DDB1: variants seen among roughly 807,000 people sequenced by gnomAD.
DDB1 encodes damage specific DNA binding protein 1.
A neutral mutation model predicts 133.1 loss-of-function variants in DDB1; 18 were observed. That is an observed-to-expected ratio of 0.14 (90% CI 0.09 to 0.20). The LOEUF (loss-of-function observed/expected upper bound fraction) is 0.20. Ranked by LOEUF, DDB1 falls within the 10% of genes least tolerant of loss-of-function variation. The probability of loss-of-function intolerance (pLI) is 1.00; values close to 1 mark genes in which losing one functional copy is unlikely to be tolerated. For synonymous variants in DDB1, 580 were observed against 550.5 expected, an observed-to-expected ratio of 1.05 and a Z score of -0.75; for missense variants, 828 against 1,459.2, an observed-to-expected ratio of 0.57 and a Z score of 7.05.
chr11:61,319,721 C>T lies in DDB1; in HGVS notation c.1225+1874G>A, dbSNP rs28720295. Among the ~76,000 whole-genome samples the T allele has an allele frequency of 3.7e-3, 557 of 152,274 alleles. 5 individuals are homozygous for T. The highest frequency in any genetic ancestry group is 0.013 in the African/African-American group (540 of 41,558). On this transcript the variant is annotated intron_variant, in intron 10 of 26. Transcript: ENST00000301764. ...CTGGGATTACAGGCATGAGGCATTG[C>T]GCCCGGCCTCTCATTGCTCTTTTTA...
At position 61,316,340 on chromosome 11, in the gene DDB1, A is replaced by G. The variant is rs779907300; in HGVS notation, c.1355T>C (p.Val452Ala). Residue 452 changes from valine (V) to alanine (A), a missense_variant, in exon 12 of 27, where the codon GTG (valine) becomes GCG (alanine). Physicochemically the swap from Val to Ala is moderately conservative, Grantham distance 64. Transcript: ENST00000301764. ...ACAGAAGAAAGTCTGCTGATCATCC[A>G]CGAAACCCATCAGTTCGGTTTCTTC... ...EVEETELMGF[V>A]DDQQTFFCGN... 6.2e-7 allele frequency: 1 copy of G among 1,614,046 alleles called. No individual in the cohort carries two copies. Among genetic ancestry groups the G allele is most frequent in the African/African-American group, 1.3e-5 (1 of 74,912 alleles).
rs28720335 is a variant in DDB1 at position 61,308,518 on chromosome 11, C to G, written c.2661+465G>C. ...GTCCATTTTGTTTGCTGCTATCTCC[C>G]TACTCCAAAACATCAAGTTGTCCAT... On this transcript the variant is annotated intron_variant, in intron 21 of 26. Coordinates refer to ENST00000301764, the MANE Select transcript of DDB1 (RefSeq NM_001923.5). Among the ~76,000 whole-genome samples the G allele has an allele frequency of 5.8e-3, 878 of 152,304 alleles. 11 individuals carry two copies. The highest frequency in any genetic ancestry group is 0.019 in the African/African-American group (796 of 41,558).
At position 61,309,025 on chromosome 11, in the gene DDB1, CAT is replaced by C. The variant is rs1454249193; in HGVS notation, c.2617_2618del (p.Met873GlyfsTer4). 1 of 1,614,052 alleles carries C rather than the reference CAT, an allele frequency of 6.2e-7. No homozygotes were observed. Among genetic ancestry groups the C allele is most frequent in the African/African-American group, 1.3e-5 (1 of 74,896 alleles). ...CTAACAGCTTCCCGTTAAATTCCAC[CAT>C]AGAGTACACGGCCCCTTTCACTTCC... ...EKEVKGAVYS[M>X]VEFNGKLLAS... On this transcript the variant is annotated frameshift_variant, in exon 21 of 27. Coordinates refer to ENST00000301764, the MANE Select transcript of DDB1 (RefSeq NM_001923.5). LOFTEE classifies it high-confidence loss of function.
At chr11:61,318,773 T>C (rs372997160) in intron 10 of DDB1, among the ~76,000 whole-genome samples, 7 of 152,376 alleles carry the variant, frequency 4.6e-5, no homozygotes, top group African/African-American at 1.7e-4. Context: ...GTCATAGTTA[T>C]GGCTTCATTT....
chr11:61,322,893 T>C, intron 8 of DDB1, 118 bp downstream of exon 8: 2 of 796,842 alleles, frequency 2.5e-6, no homozygotes, highest in Non-Finnish European at 4.0e-6. Flanking sequence ...AGTAGAAAGC[T>C]GGATAGTAGG....
At chr11:61,318,979 G>A (rs1343378273) in intron 10 of DDB1, among the ~76,000 whole-genome samples, 2 of 152,168 alleles carry the variant, frequency 1.3e-5, no homozygotes, top group African/African-American at 4.8e-5. Flanking sequence ...CGGGAGGACC[G>A]CTTGAGCCTA....
rs1350260124 is a variant in DDB1, at chr11:61,330,817, G to A, written c.210+726C>T. 4.6e-5 allele frequency among the ~76,000 whole-genome samples: 7 copies of A among 151,988 alleles called. No individual in the cohort carries two copies. The South Asian group carries it at 6.2e-4, about 13-fold the overall frequency. On this transcript the variant is annotated intron_variant, in intron 2 of 26. Coordinates refer to ENST00000301764, the MANE Select transcript of DDB1 (RefSeq NM_001923.5). ...ATTACAGGCACGTGCCACCACACCC[G>A]GCTAACTTTTGTATTTTTAGTAGAG... is the stretch of plus-strand genomic sequence containing the variant.
chr11:61,303,716 A>C (rs995067983), intron 22 of DDB1, 149 bp downstream of exon 22: 3 of 933,576 alleles, frequency 3.2e-6, no homozygotes, highest in Non-Finnish European at 4.6e-6. Context: ...AAAAAAAAAA[A>C]AAAAAAAACT....
chr11:61,310,073 G>A, intron 19 of DDB1, 113 bp from the exon 20 acceptor site: 4 of 1,448,580 alleles, frequency 2.8e-6, no homozygotes, highest in Non-Finnish European at 2.9e-6. Context: ...TGTACCACCT[G>A]CTGTCCCTGT....
chr11:61,320,194 C>CTTTTCTTT (rs552610659), intron 10 of DDB1, among the ~76,000 whole-genome samples: 2 of 151,018 alleles, frequency 1.3e-5, no homozygotes, highest in African/African-American at 4.9e-5. Flanking sequence ...ATATACTTCT[C>CTTTTCTTT]TTTTCTTTTT....
intron 10 of DDB1, among the ~76,000 whole-genome samples, chr11:61,318,606 G>T (rs933250114): frequency 6.6e-6 from 1 of 151,998 alleles, no homozygotes; most frequent in African/African-American, 2.4e-5. Flanking sequence ...AGGAAGACTG[G>T]GCCTTTTGTC....
At position 61,331,680 on chromosome 11, in the gene DDB1, A is replaced by C. The variant is rs1025351235; in HGVS notation, c.73T>G (p.Ser25Ala). The C allele has an allele frequency of 6.2e-7, 1 of 1,614,060 alleles. No homozygotes were observed. The highest frequency in any genetic ancestry group is 1.3e-5 in the African/African-American group (1 of 74,906). ...VNGCVTGHFT[S>A]AEDLNLLIAK... Reference sequence around the variant, plus strand: ...ATCAACAGGTTTAAGTCTTCGGCCGAAGTAAAGTGTCCTGAAAGAACAGAC... The same window carrying C: ...ATCAACAGGTTTAAGTCTTCGGCCGCAGTAAAGTGTCCTGAAAGAACAGAC... Residue 25 changes from serine (S) to alanine (A), a missense_variant, in exon 2 of 27, where the codon TCG becomes GCG. Physicochemically the swap from Ser to Ala is moderately conservative, Grantham distance 99 (BLOSUM62 1). This residue lies in a region of DDB1 where 210 missense variants were observed against 344.8 expected (regional missense o/e 0.61). Transcript: ENST00000301764.
At chr11:61,302,780 G>A (rs749445267) in intron 23 of DDB1, 29 bp from the exon 24 acceptor site, 1 of 1,613,396 alleles carries the variant, frequency 6.2e-7, no homozygotes, top group Non-Finnish European at 8.5e-7. Context: ...GTCACTTTCT[G>A]AACCTCCTGT....
chr11:61,323,208 G>C, intron 7 of DDB1, 114 bp from the exon 8 acceptor site: 1 of 822,728 alleles, frequency 1.2e-6, no homozygotes. Context: ...CCATAATTCA[G>C]AACAGTTCTG....
At chr11:61,316,027 T>C (rs1856059614) in intron 12 of DDB1, 2 of 354,948 alleles carry the variant, frequency 5.6e-6, no homozygotes, top group African/African-American at 2.1e-5. Flanking sequence ...TGTTTATATA[T>C]ATAATGACCC....
Position 61,314,295 on chromosome 11 carries a change from A to C in DDB1, c.1589+13T>G. 4 of 1,602,884 alleles carry C rather than the reference A, an allele frequency of 2.5e-6. No homozygotes were observed. The highest frequency in any genetic ancestry group is 3.4e-6 in the Non-Finnish European group (4 of 1,174,924). On this transcript the variant is annotated intron_variant, in intron 13 of 26. Transcript: ENST00000301764. ...AAGAGGAGGAAAGCGAGCAGACAGA[A>C]AAACACACACACCTGATCTGCCGGA...
At chr11:61,308,068 G>A (rs941215035) in intron 21 of DDB1, among the ~76,000 whole-genome samples, 1 of 152,118 alleles carries the variant, frequency 6.6e-6, no homozygotes, top group Non-Finnish European at 1.5e-5. Flanking sequence ...GAAAATACAA[G>A]TTCAATCATG....
In DDB1 at chr11:61,314,188, C is replaced by A. The variant is rs1019680029; in HGVS notation, c.1612G>T (p.Val538Leu). Residue 538 changes from valine to leucine, a missense_variant, in exon 14 of 27, where the codon GTG (valine) becomes TTG (leucine). Transcript: ENST00000301764. The part of the protein sequence containing the change: ...QISHTEMEHE[V>L]ACLDITPLGD... ...AATGGGGTGATGTCCAAGCAAGCCA[C>A]TTCATGTTCCATCTCTGTGTGGCTG... The A allele has an allele frequency of 2.5e-6, 4 of 1,607,984 alleles. No homozygotes were observed. The African/African-American group carries it at 4.0e-5, about 16-fold the overall frequency.
chr11:61,300,732 G>A (rs1855779905), intron 26 of DDB1, 77 bp downstream of exon 26: 13 of 1,583,128 alleles, frequency 8.2e-6, no homozygotes, highest in Non-Finnish European at 1.1e-5. Context: ...GAGGAGAGGT[G>A]CCCAGAGACA....
Sources: allele counts gnomAD v4.1 joint callset (sites outside exome capture counted in the v4.1 genomes callset), GRCh38; gene constraint gnomAD v4.1.1; regional missense constraint gnomAD v4.1.1; transcripts MANE v1.5; gene names NCBI Gene and HGNC (gene_info 2026-07-23, HGNC 2026-07-21).